The following WHRN variants were observed in gnomAD, a reference collection of about 807,000 sequenced individuals.
WHRN encodes the protein CASK-interacting protein CIP98.
In WHRN, 41 loss-of-function variants were observed where a neutral mutation model predicts 68.3. The ratio of observed to expected loss-of-function variants is 0.60; its 90% CI spans 0.47 to 0.78. WHRN has a LOEUF of 0.78. WHRN is among the 30% of genes least tolerant of loss of function. The probability of loss-of-function intolerance (pLI) is 0.00; values close to 1 mark genes in which losing one functional copy is unlikely to be tolerated. For synonymous variants in WHRN, 560 were observed against 561.3 expected (o/e 1.00, Z 0.03); for missense variants, 1,243 against 1,244.7 (o/e 1.00, Z 0.02).
intron 1 of WHRN, among the ~76,000 whole-genome samples, chr9:114,496,227 G>C (rs545635402): frequency 1.3e-5 from 2 of 152,128 alleles, no homozygotes; most frequent in Non-Finnish European, 2.9e-5. Context: ...GGACAATGCT[G>C]TCACACTCTG....
intron 7 of WHRN, among the ~76,000 whole-genome samples, chr9:114,418,213 G>A (rs10759699): frequency 0.2 from 31,039 of 152,096 alleles, 3,698 homozygotes; most frequent in East Asian, 0.33. Flanking sequence ...TCGCTCCTGA[G>A]GAAGGGTGAG....
intron 7 of WHRN, among the ~76,000 whole-genome samples, chr9:114,412,480 G>A (rs1835517686): frequency 6.6e-6 from 1 of 152,146 alleles, no homozygotes; most frequent in Non-Finnish European, 1.5e-5. Flanking sequence ...CTACAGCTGA[G>A]GTGACTGAAG....
At chr9:114,434,846 C>T (rs989474086) in intron 3 of WHRN, among the ~76,000 whole-genome samples, 1 of 152,184 alleles carries the variant, frequency 6.6e-6, no homozygotes, top group Non-Finnish European at 1.5e-5. Context: ...TTCCAAGCTC[C>T]TCTGCCTACC....
At chr9:114,462,812 T>C (rs1840354428) in intron 3 of WHRN, among the ~76,000 whole-genome samples, 2 of 152,198 alleles carry the variant, frequency 1.3e-5, no homozygotes, top group Non-Finnish European at 2.9e-5. Context: ...AAATGTATCA[T>C]TGCAAAAATT....
chr9:114,426,182 G>A (rs1284281369), intron 4 of WHRN, 29 bp downstream of exon 4: 2 of 1,611,654 alleles, frequency 1.2e-6, no homozygotes, highest in Admixed American at 3.3e-5. Flanking sequence ...CCTGGGGTCT[G>A]GAGATTGGAG....
intron 1 of WHRN, among the ~76,000 whole-genome samples, chr9:114,500,178 A>G (rs1283956579): frequency 6.6e-6 from 1 of 152,212 alleles, no homozygotes; most frequent in African/African-American, 2.4e-5. Context: ...TAATGGGCTT[A>G]TTAATAAGTG....
intron 1 of WHRN, among the ~76,000 whole-genome samples, chr9:114,496,009 T>A (rs2133374281): frequency 6.6e-6 from 1 of 152,360 alleles, no homozygotes; most frequent in South Asian, 2.1e-4. Context: ...TGAGACTTTG[T>A]ACACCTTTTC....
intron 1 of WHRN, among the ~76,000 whole-genome samples, chr9:114,491,349 G>C (rs1041519144): frequency 4.6e-5 from 7 of 152,174 alleles, no homozygotes; most frequent in African/African-American, 1.4e-4. Context: ...CTCGGCCGAT[G>C]TCTGAAAAAT....
chr9:114,484,906 G>T (rs966554997), intron 1 of WHRN, among the ~76,000 whole-genome samples: 1 of 152,178 alleles, frequency 6.6e-6, no homozygotes, highest in African/African-American at 2.4e-5. Flanking sequence ...CTTAGCAGAG[G>T]AGTGAGAAAT....
chr9:114,441,078 T>A (rs185037580), intron 3 of WHRN, among the ~76,000 whole-genome samples: 28 of 152,340 alleles, frequency 1.8e-4, no homozygotes, highest in African/African-American at 5.8e-4. Context: ...GATGTAAACT[T>A]ACGGAATCAA....
intron 1 of WHRN, among the ~76,000 whole-genome samples, chr9:114,485,661 C>T (rs755472085): frequency 3.0e-4 from 46 of 152,054 alleles, no homozygotes; most frequent in Non-Finnish European, 3.2e-4. Context: ...CACTGCACTA[C>T]AGCCTGAGCT....
At chr9:114,463,512 A>T (rs1840414185) in intron 3 of WHRN, among the ~76,000 whole-genome samples, 1 of 152,238 alleles carries the variant, frequency 6.6e-6, no homozygotes, top group Non-Finnish European at 1.5e-5. Flanking sequence ...CAGAAAAAAG[A>T]CATGAGTGGA....
intron 3 of WHRN, among the ~76,000 whole-genome samples, chr9:114,457,413 A>C (rs1299642926): frequency 6.6e-6 from 1 of 152,194 alleles, no homozygotes; most frequent in Non-Finnish European, 1.5e-5. Flanking sequence ...TAAAATAAGC[A>C]TCCATGAGGC....
chr9:114,473,547 C>A, intron 2 of WHRN, among the ~76,000 whole-genome samples: 1 of 152,184 alleles, frequency 6.6e-6, no homozygotes, highest in Admixed American at 6.5e-5. Flanking sequence ...ATGACACTAT[C>A]TGTAAGTATT....
intron 2 of WHRN, among the ~76,000 whole-genome samples, chr9:114,473,411 T>C (rs1841405474): frequency 6.6e-6 from 1 of 152,190 alleles, no homozygotes; most frequent in African/African-American, 2.4e-5. Flanking sequence ...CAGGGGACAC[T>C]GAAGGGACCA....
At chr9:114,451,024 C>T (rs1839285461) in intron 3 of WHRN, among the ~76,000 whole-genome samples, 1 of 152,232 alleles carries the variant, frequency 6.6e-6, no homozygotes, top group Non-Finnish European at 1.5e-5. Context: ...CTAACTATCC[C>T]TTCTTGCAGA....
At chr9:114,413,627 A>C (rs1046345098) in intron 7 of WHRN, among the ~76,000 whole-genome samples, 1 of 152,210 alleles carries the variant, frequency 6.6e-6, no homozygotes, top group Admixed American at 6.5e-5. Flanking sequence ...TCAGAGGTGC[A>C]GAATGGGAGA....
intron 1 of WHRN, among the ~76,000 whole-genome samples, chr9:114,480,784 T>C (rs1056983484): frequency 2.0e-5 from 3 of 152,332 alleles, no homozygotes; most frequent in East Asian, 3.9e-4. Context: ...TATATTTTAA[T>C]GTTAAGTGGG....
chr9:114,493,305 C>T (rs1843146655), intron 1 of WHRN, among the ~76,000 whole-genome samples: 3 of 140,380 alleles, frequency 2.1e-5, no homozygotes, highest in Admixed American at 1.6e-4. Context: ...GAGCTGTTAT[C>T]GCGCCACTGC....
Sources: allele counts gnomAD v4.1 joint callset (sites outside exome capture counted in the v4.1 genomes callset), GRCh38; gene constraint gnomAD v4.1.1; transcripts MANE v1.5; gene names NCBI Gene and HGNC (gene_info 2026-07-23, HGNC 2026-07-21).